SLIT3: variants seen among roughly 807,000 people sequenced by gnomAD.
SLIT3 encodes the protein slit guidance ligand 3.
In SLIT3, 68 loss-of-function variants were observed where a neutral mutation model predicts 184.0. The ratio of observed to expected loss-of-function variants is 0.37; its 90% CI spans 0.30 to 0.45. The LOEUF is 0.45. Ranked by LOEUF, SLIT3 falls within the 20% of genes least tolerant of loss-of-function variation. The pLI is 1.00. For missense variants in SLIT3, 1,707 were observed against 2,026.0 expected (o/e 0.84, Z 3.02); for synonymous variants, 831 against 828.6 (o/e 1.00, Z -0.05).
chr5:168,933,123 AG>A lies in SLIT3; in HGVS notation c.414-49788del, dbSNP rs576871672. On this transcript the variant is annotated intron_variant, in intron 4 of 35. Transcript: ENST00000519560. ...ACAAAGATGCAAGGCAGAGATGTGC[AG>A]GGGGGTGGTGAAATAAGGAAATGGG... Among the ~76,000 whole-genome samples, 64 of 152,284 alleles carry A rather than the reference AG, an allele frequency of 4.2e-4. 2 individuals carry two copies. The South Asian group carries it at 0.012, about 30-fold the overall frequency.
intron 14 of SLIT3, among the ~76,000 whole-genome samples, chr5:168,770,133 G>A (rs948232266): frequency 8.5e-5 from 13 of 152,278 alleles, no homozygotes; most frequent in African/African-American, 2.6e-4. Context: ...GCAGCCAGAC[G>A]GAGCCTTTTC....
chr5:168,677,765 G>A (rs1315551957), intron 32 of SLIT3, among the ~76,000 whole-genome samples: 1 of 152,172 alleles, frequency 6.6e-6, no homozygotes, highest in Non-Finnish European at 1.5e-5. Context: ...TGGTTTTAAT[G>A]GGCAATACGT....
intron 20 of SLIT3, among the ~76,000 whole-genome samples, chr5:168,731,635 T>C (rs568566183): frequency 6.6e-6 from 1 of 152,178 alleles, no homozygotes; most frequent in African/African-American, 2.4e-5. Flanking sequence ...ATTCCAGGAA[T>C]GAAAGGATGC....
chr5:169,049,448 C>T (rs1011185596), intron 4 of SLIT3, among the ~76,000 whole-genome samples: 13 of 152,038 alleles, frequency 8.6e-5, no homozygotes, highest in African/African-American at 2.7e-4. Context: ...TAGGTTATGC[C>T]GTTAACGTCT....
chr5:168,726,636 T>C (rs1453476751), intron 20 of SLIT3, among the ~76,000 whole-genome samples: 1 of 151,546 alleles, frequency 6.6e-6, no homozygotes, highest in African/African-American at 2.4e-5. Flanking sequence ...CTGTGCTTTC[T>C]TGGGAAGGAG....
intron 8 of SLIT3, among the ~76,000 whole-genome samples, chr5:168,808,536 G>T (rs779292488): frequency 2.6e-5 from 4 of 152,180 alleles, no homozygotes; most frequent in African/African-American, 4.8e-5. Context: ...CACGGCACAG[G>T]GTAAGAGTTT....
intron 3 of SLIT3, among the ~76,000 whole-genome samples, chr5:169,233,349 T>TAA (rs1449453538): frequency 6.6e-6 from 1 of 152,148 alleles, no homozygotes; most frequent in Admixed American, 6.5e-5. Flanking sequence ...GGTGCTATTG[T>TAA]AAACATAGTT....
At chr5:169,130,562 G>A (rs886833456) in intron 4 of SLIT3, among the ~76,000 whole-genome samples, 1 of 152,298 alleles carries the variant, frequency 6.6e-6, no homozygotes, top group Non-Finnish European at 1.5e-5. Context: ...TCAGGGTCGT[G>A]AGGTTGTTCA....
At chr5:169,078,459 A>G (rs1334947445) in intron 4 of SLIT3, among the ~76,000 whole-genome samples, 1 of 152,168 alleles carries the variant, frequency 6.6e-6, no homozygotes, top group African/African-American at 2.4e-5. Context: ...TGAGGTTCAG[A>G]GTAGTCAAAT....
At chr5:168,887,152 T>C (rs187625384) in intron 4 of SLIT3, among the ~76,000 whole-genome samples, 103 of 152,168 alleles carry the variant, frequency 6.8e-4, no homozygotes, top group African/African-American at 2.3e-3. Flanking sequence ...CAGGCATGCT[T>C]TGTTCTTGGA....
chr5:169,002,345 A>AAAAAAAAAAAAAAAAAAAAAAAAAAAAAG (rs1561600096), intron 4 of SLIT3, among the ~76,000 whole-genome samples: 2 of 145,426 alleles, frequency 1.4e-5, no homozygotes, highest in Non-Finnish European at 3.0e-5. Context: ...AAAAAAAAAA[A>AAAAAAAAAAAAAAAAAAAAAAAAAAAAAG]AAAAAAAAAA....
chr5:168,774,166 T>C, intron 13 of SLIT3, 69 bp downstream of exon 13: 3 of 1,489,016 alleles, frequency 2.0e-6, no homozygotes, highest in Non-Finnish European at 2.7e-6. Flanking sequence ...ATTTGGGTGT[T>C]TTTCATGATG....
chr5:169,066,972 T>C (rs1234157040), intron 4 of SLIT3, among the ~76,000 whole-genome samples: 1 of 134,436 alleles, frequency 7.4e-6, no homozygotes, highest in East Asian at 2.3e-4. Flanking sequence ...AGACAAGACA[T>C]ACATGCCTAA....
At chr5:168,786,486 A>G (rs905170243) in intron 11 of SLIT3, among the ~76,000 whole-genome samples, 2 of 152,190 alleles carry the variant, frequency 1.3e-5, no homozygotes, top group South Asian at 4.1e-4. Flanking sequence ...CAGATGGTGC[A>G]GGGACTGCTG....
intron 4 of SLIT3, among the ~76,000 whole-genome samples, chr5:169,003,557 C>T (rs779249615): frequency 5.9e-5 from 9 of 152,304 alleles, no homozygotes; most frequent in Admixed American, 3.9e-4. Context: ...TGAACACAGA[C>T]GTGAACACAG....
At chr5:168,873,208 A>T (rs1759600544) in intron 5 of SLIT3, among the ~76,000 whole-genome samples, 1 of 152,164 alleles carries the variant, frequency 6.6e-6, no homozygotes. Flanking sequence ...TAGCCTTGCC[A>T]TGACCCATTC....
intron 4 of SLIT3, among the ~76,000 whole-genome samples, chr5:169,137,375 G>A (rs1296692375): frequency 2.2e-5 from 3 of 136,622 alleles, no homozygotes; most frequent in East Asian, 2.1e-4. Flanking sequence ...GCTTCACAGC[G>A]GGAAGCAGGG....
At chr5:169,136,743 G>C (rs936671426) in intron 4 of SLIT3, among the ~76,000 whole-genome samples, 1 of 152,188 alleles carries the variant, frequency 6.6e-6, no homozygotes, top group East Asian at 1.9e-4. Flanking sequence ...TTCTGGCTAG[G>C]AGGAGGTTGT....
chr5:168,724,728 T>C (rs1294956183), intron 20 of SLIT3, among the ~76,000 whole-genome samples: 1 of 151,800 alleles, frequency 6.6e-6, no homozygotes, highest in Non-Finnish European at 1.5e-5. Context: ...TGTCTAAAAT[T>C]GCCCACCGTT....
Sources: gnomAD v4.1 joint callset for allele counts (sites outside exome capture counted in the v4.1 genomes callset) on GRCh38, gnomAD v4.1.1 for gene constraint, MANE v1.5 for transcripts, NCBI Gene and HGNC (gene_info 2026-07-23, HGNC 2026-07-21) for gene names.